The following WWOX variants were observed in gnomAD, a reference collection of about 807,000 sequenced individuals.
WWOX encodes WW domain containing oxidoreductase.
A neutral mutation model predicts 46.2 loss-of-function variants in WWOX; 69 were observed. That is an observed-to-expected ratio of 1.49 (90% confidence interval 1.23 to 1.82). The LOEUF (loss-of-function observed/expected upper bound fraction) is 1.82, where lower values mean the gene tolerates loss of function less well. WWOX is among the 40% of genes most tolerant of loss of function. The probability of loss-of-function intolerance (pLI) is 0.00; values close to 1 mark genes in which losing one functional copy is unlikely to be tolerated. For missense variants in WWOX, 919 were observed against 542.6 expected, an observed-to-expected ratio of 1.69 and a Z score of -6.89; for synonymous variants, 359 against 202.6, an observed-to-expected ratio of 1.77 and a Z score of -6.56.
intron 8 of WWOX, among the ~76,000 whole-genome samples, chr16:78,848,039 C>T (rs1384947480): frequency 6.6e-6 from 1 of 152,100 alleles, no homozygotes; most frequent in Non-Finnish European, 1.5e-5. Flanking sequence ...GAGTGAGGTC[C>T]CTCTAGAGTC....
chr16:78,741,446 G>A (rs2049225830), intron 8 of WWOX, among the ~76,000 whole-genome samples: 2 of 152,216 alleles, frequency 1.3e-5, no homozygotes, highest in South Asian at 2.1e-4. Context: ...TGTAATTACA[G>A]TTACTCGGGA....
chr16:78,878,130 C>A (rs2044270543), intron 8 of WWOX, among the ~76,000 whole-genome samples: 1 of 152,170 alleles, frequency 6.6e-6, no homozygotes, highest in Non-Finnish European at 1.5e-5. Flanking sequence ...AATACAACTG[C>A]CCTGCCTCTT....
intron 8 of WWOX, among the ~76,000 whole-genome samples, chr16:78,737,001 G>T (rs997435724): frequency 2.0e-5 from 3 of 152,274 alleles, no homozygotes; most frequent in African/African-American, 7.2e-5. Context: ...GACTAGGTTT[G>T]CAGAGTGATG....
chr16:78,411,659 G>C (rs2082683664), intron 6 of WWOX, among the ~76,000 whole-genome samples: 1 of 152,174 alleles, frequency 6.6e-6, no homozygotes, highest in South Asian at 2.1e-4. Flanking sequence ...GATTAGAATA[G>C]TATTTTAATA....
chr16:78,513,305 T>C (rs534915858), intron 8 of WWOX, among the ~76,000 whole-genome samples: 3 of 152,306 alleles, frequency 2.0e-5, no homozygotes, highest in Non-Finnish European at 2.9e-5. Context: ...TGTAGGAGCT[T>C]GAATATTCTC....
intron 8 of WWOX, among the ~76,000 whole-genome samples, chr16:78,573,067 C>CA (rs2044758628): frequency 6.6e-6 from 1 of 152,152 alleles, no homozygotes; most frequent in Admixed American, 6.5e-5. Flanking sequence ...GCAGGCGGAT[C>CA]ACGAGGTCAG....
intron 8 of WWOX, among the ~76,000 whole-genome samples, chr16:79,039,778 G>T (rs966657488): frequency 5.9e-5 from 9 of 152,108 alleles, no homozygotes; most frequent in Non-Finnish European, 4.4e-5. Flanking sequence ...TTCTCACCTC[G>T]AAATCTCCCT....
chr16:79,023,128 A>C (rs577318564), intron 8 of WWOX, among the ~76,000 whole-genome samples: 2 of 152,216 alleles, frequency 1.3e-5, no homozygotes, highest in Admixed American at 1.3e-4. Flanking sequence ...AAGGAGGGGG[A>C]ATGTGACCCG....
chr16:78,855,029 T>A (rs951937978), intron 8 of WWOX, among the ~76,000 whole-genome samples: 1 of 152,074 alleles, frequency 6.6e-6, no homozygotes, highest in Non-Finnish European at 1.5e-5. Context: ...TGATTCATCA[T>A]AAATAAGTCA....
At chr16:78,650,062 C>A (rs1189637962) in intron 8 of WWOX, among the ~76,000 whole-genome samples, 2 of 151,966 alleles carry the variant, frequency 1.3e-5, no homozygotes, top group African/African-American at 4.8e-5. Flanking sequence ...GTGTAACTGT[C>A]GTAGCAGCTA....
intron 8 of WWOX, among the ~76,000 whole-genome samples, chr16:78,550,347 A>C (rs893989898): frequency 6.6e-6 from 1 of 152,202 alleles, no homozygotes; most frequent in African/African-American, 2.4e-5. Context: ...TACCTATCAC[A>C]ACTACTAAGC....
At chr16:78,522,478 G>C (rs1264118958) in intron 8 of WWOX, among the ~76,000 whole-genome samples, 1 of 152,094 alleles carries the variant, frequency 6.6e-6, no homozygotes, top group Non-Finnish European at 1.5e-5. Flanking sequence ...CTCTTCCTCT[G>C]TCTCCGATGT....
At position 78,810,485 on chromosome 16, in the gene WWOX, C is replaced by T. The variant is rs145062134; in HGVS notation, c.1056+377733C>T. On this transcript the variant is annotated intron_variant, in intron 8 of 8. Coordinates refer to ENST00000566780, the MANE Select transcript of WWOX (RefSeq NM_016373.4). The stretch of plus-strand genomic sequence containing the variant: ...CATCCCTAGGAAGTATTATGGGAAC[C>T]CCCTGTATCACTTGAGATTCTTGGA... 4.0e-3 allele frequency among the ~76,000 whole-genome samples: 608 copies of T among 152,268 alleles called. 2 individuals carry two copies. Among genetic ancestry groups the T allele is most frequent in the Middle Eastern group, 0.02 (6 of 294 alleles).
chr16:78,567,516 G>A lies in WWOX; in HGVS notation c.1056+134764G>A, dbSNP rs144838112. The stretch of plus-strand genomic sequence containing the variant: ...TGCAGTGAGCAGAGATTGCAGCACT[G>A]CACTCCAGCCTGGGCGACAGAAGGA... On this transcript the variant is annotated intron_variant, in intron 8 of 8. Transcript: ENST00000566780. Among the ~76,000 whole-genome samples the A allele has an allele frequency of 7.6e-4, 99 of 130,376 alleles. 1 individual carries two copies. The East Asian group carries it at 0.018, about 23-fold the overall frequency. 85.5% of individuals were successfully genotyped at this position (130,376 alleles called of 152,430 possible). A position where few individuals can be genotyped will look rare whatever the true frequency, so the allele number is the denominator to read the frequency against.
At chr16:78,960,881 AGACTT>A (rs1347311270) in intron 8 of WWOX, among the ~76,000 whole-genome samples, 1 of 152,216 alleles carries the variant, frequency 6.6e-6, no homozygotes, top group African/African-American at 2.4e-5. Flanking sequence ...GCTCTTTTGA[AGACTT>A]GATGTCAAAA....
intron 8 of WWOX, among the ~76,000 whole-genome samples, chr16:79,082,144 TA>T (rs1279838924): frequency 6.6e-6 from 1 of 152,164 alleles, no homozygotes; most frequent in Non-Finnish European, 1.5e-5. Flanking sequence ...AGCTAGTGGG[TA>T]AAGCCCGGGA....
rs182309280 is a variant in WWOX, at chr16:78,131,363, C to T, written c.409+16209C>T. Among the ~76,000 whole-genome samples, 11 of 151,940 alleles carry T rather than the reference C, an allele frequency of 7.2e-5. No homozygotes were observed. In the East Asian group the frequency reaches 2.2e-3, roughly 30 times the overall value. On this transcript the variant is annotated intron_variant, in intron 4 of 8. Coordinates refer to ENST00000566780, the MANE Select transcript of WWOX (RefSeq NM_016373.4). ...AGTAGCTTGGACTACAGGCATGCAC[C>T]ACCATTCCTGGCTAATTTCTTTTGT...
intron 8 of WWOX, among the ~76,000 whole-genome samples, chr16:78,634,837 A>AGAGAGAGTGT (rs1346762709): frequency 2.2e-4 from 25 of 111,780 alleles, no homozygotes; most frequent in African/African-American, 1.8e-4. Flanking sequence ...AGAGAGAGAG[A>AGAGAGAGTGT]GTGTGTGTGT....
At chr16:79,188,494 G>C (rs1248908185) in intron 8 of WWOX, among the ~76,000 whole-genome samples, 1 of 152,192 alleles carries the variant, frequency 6.6e-6, no homozygotes, top group Non-Finnish European at 1.5e-5. Flanking sequence ...GGTTCAGCAC[G>C]CATTGCCAGA....
Sources: gnomAD v4.1 joint callset for allele counts (sites outside exome capture counted in the v4.1 genomes callset) on GRCh38, gnomAD v4.1.1 for gene constraint, MANE v1.5 for transcripts, NCBI Gene and HGNC (gene_info 2026-07-23, HGNC 2026-07-21) for gene names.